The following ATP8B1 variants were observed in gnomAD, a reference collection of about 807,000 sequenced individuals.
ATP8B1 encodes ATPase phospholipid transporting 8B1.
Under a neutral mutation model 149.9 loss-of-function variants are expected in ATP8B1, and 80 were observed. That is an observed-to-expected ratio of 0.53 (90% CI 0.45 to 0.64). The LOEUF (loss-of-function observed/expected upper bound fraction) is 0.64. Among genes scored for constraint, ATP8B1 ranks in the 30% least tolerant of loss-of-function variants. The pLI, the probability that ATP8B1 is intolerant of heterozygous loss-of-function variation, is 0.00. For synonymous variants in ATP8B1, 536 were observed against 562.8 expected (o/e 0.95, Z 0.67); for missense variants, 1,247 against 1,552.6 (o/e 0.80, Z 3.31).
intron 1 of ATP8B1, among the ~76,000 whole-genome samples, chr18:57,783,697 A>G (rs1234198606): frequency 6.6e-6 from 1 of 152,148 alleles, no homozygotes; most frequent in African/African-American, 2.4e-5. Context: ...TTAGCCAGGC[A>G]TGGTGGCACG....
intron 1 of ATP8B1, among the ~76,000 whole-genome samples, chr18:57,745,918 C>T (rs1472863296): frequency 1.3e-5 from 2 of 152,158 alleles, no homozygotes; most frequent in East Asian, 3.8e-4. Context: ...ACCTCAACCT[C>T]CCAAGGTGTT....
In ATP8B1 at chr18:57,652,157, A is replaced by G; in HGVS notation, c.3277T>C (p.Ser1093Pro). 6.8e-6 allele frequency: 11 copies of G among 1,614,180 alleles called. No homozygotes were observed. The highest frequency in any genetic ancestry group is 9.3e-6 in the Non-Finnish European group (11 of 1,180,026). The stretch of plus-strand genomic sequence containing the variant: ...AAAGCATTCACAAAAGTCCAATAAG[A>G]AGTATCCAAGCCAATCTGTTGGGAA... ...TVNFQIGLDT[S>P]YWTFVNAFSI... The change falls in exon 26 of 28, where the codon TCT (serine) becomes CCT (proline). Residue 1093 changes from serine (S) to proline (P), a missense_variant. Around this residue, in one of 3 missense-constraint regions of ATP8B1, gnomAD observed 230 missense variants for 356.6 expected, o/e 0.65. Transcript: ENST00000648908.
chr18:57,709,705 A>G lies in ATP8B1; in HGVS notation c.182-3118T>C, dbSNP rs1344763795. 2.0e-5 allele frequency among the ~76,000 whole-genome samples: 3 copies of G among 149,792 alleles called. No homozygotes were observed. In the East Asian group the frequency reaches 5.8e-4, roughly 29 times the overall value. Reference sequence around the variant, plus strand: ...TTTTCATTTTTTTTTTGTTTGAGACAGTCTTGTTCTGTCATCCAGGGTGGA... The same window carrying G: ...TTTTCATTTTTTTTTTGTTTGAGACGGTCTTGTTCTGTCATCCAGGGTGGA... On this transcript the variant is annotated intron_variant, in intron 2 of 27. Coordinates refer to ENST00000648908, the MANE Select transcript of ATP8B1 (RefSeq NM_001374385.1).
intron 2 of ATP8B1, among the ~76,000 whole-genome samples, chr18:57,724,995 G>A (rs1185148865): frequency 3.5e-5 from 4 of 114,528 alleles, no homozygotes; most frequent in African/African-American, 7.0e-5. Flanking sequence ...GTAAACTATC[G>A]CAAGAACAAA....
At chr18:57,743,161 T>C (rs2079934270) in intron 1 of ATP8B1, among the ~76,000 whole-genome samples, 1 of 152,094 alleles carries the variant, frequency 6.6e-6, no homozygotes, top group Non-Finnish European at 1.5e-5. Context: ...ATGAAAAAAC[T>C]GAGGTGGTTT....
intron 1 of ATP8B1, among the ~76,000 whole-genome samples, chr18:57,744,786 C>T (rs1361120435): frequency 1.3e-5 from 2 of 152,134 alleles, no homozygotes; most frequent in Non-Finnish European, 2.9e-5. Context: ...AGAAGAGTCA[C>T]CAAGCTATTA....
At chr18:57,676,271 C>G (rs1479780644) in intron 15 of ATP8B1, among the ~76,000 whole-genome samples, 1 of 152,082 alleles carries the variant, frequency 6.6e-6, no homozygotes, top group Non-Finnish European at 1.5e-5. Flanking sequence ...AAGTGATCCT[C>G]CCACCTCAGC....
At chr18:57,773,200 T>TAAAAAAA (rs530739448) in intron 1 of ATP8B1, among the ~76,000 whole-genome samples, 3 of 125,562 alleles carry the variant, frequency 2.4e-5, no homozygotes, top group Non-Finnish European at 4.8e-5. Flanking sequence ...AGACTCTGTC[T>TAAAAAAA]TAAAAAAAAA....
chr18:57,795,437 G>A (rs1013521438), intron 1 of ATP8B1, among the ~76,000 whole-genome samples: 10 of 152,060 alleles, frequency 6.6e-5, no homozygotes, highest in African/African-American at 2.4e-4. Flanking sequence ...AATTACAGTA[G>A]CCAGAGGTGA....
Position 57,752,452 on chromosome 18 carries a change from C to T in ATP8B1, c.-25-20620G>A, listed in dbSNP as rs72627257. 4.8e-3 allele frequency among the ~76,000 whole-genome samples: 728 copies of T among 152,174 alleles called. 28 individuals carry two copies. In the East Asian group the frequency reaches 0.11, roughly 22 times the overall value. ...TTTATAACATGAAGATAATGGTTAC[C>T]TTACAGGGTCCTTGTGAAGCTTAAT... On this transcript the variant is annotated intron_variant, in intron 1 of 27. Coordinates refer to ENST00000648908, the MANE Select transcript of ATP8B1 (RefSeq NM_001374385.1).
rs2080595237 is a variant in ATP8B1 at position 57,802,853 on chromosome 18, C to T, written c.-26+145G>A. ...CACCCAAATCCCACCTGTGCGGGCTCGGGAGTCCGAGGGCGCTGACAGCTG... is the reference window on the plus strand; with the variant it reads ...CACCCAAATCCCACCTGTGCGGGCTTGGGAGTCCGAGGGCGCTGACAGCTG... On this transcript the variant is annotated intron_variant, in intron 1 of 27. Coordinates refer to ENST00000648908, the MANE Select transcript of ATP8B1 (RefSeq NM_001374385.1). This position sits in a 1 kb window ranked among gnomAD's most constrained non-coding sequence, Gnocchi z 4.9. 6.6e-6 allele frequency: 1 copy of T among 152,322 alleles called. No homozygotes were observed. Among genetic ancestry groups the T allele is most frequent in the African/African-American group, 2.4e-5 (1 of 41,476 alleles). The allele number at this position is 152,322 out of a possible 1,614,324, so 9.4% of individuals were successfully genotyped here. A position where few individuals can be genotyped will look rare whatever the true frequency, so the allele number is the denominator to read the frequency against.
rs956918572 is a variant in ATP8B1 at position 57,764,699 on chromosome 18, G to A, written c.-25-32867C>T. 5.4e-5 allele frequency among the ~76,000 whole-genome samples: 8 copies of A among 148,436 alleles called. No individual in the cohort carries two copies. The East Asian group carries it at 1.6e-3, about 29-fold the overall frequency. Reference sequence around the variant, plus strand: ...CTCCCAAAATGCTAGGATTACAGGTGTGAGACACTGTGCCCAGCCTGACAC... The same window carrying A: ...CTCCCAAAATGCTAGGATTACAGGTATGAGACACTGTGCCCAGCCTGACAC... On this transcript the variant is annotated intron_variant, in intron 1 of 27. Transcript: ENST00000648908.
chr18:57,676,760 A>AAACCAACC (rs1185429624), intron 15 of ATP8B1, among the ~76,000 whole-genome samples: 1 of 151,954 alleles, frequency 6.6e-6, no homozygotes, highest in Non-Finnish European at 1.5e-5. Flanking sequence ...AAGTTGAAAC[A>AAACCAACC]AACCAACCAA....
intron 22 of ATP8B1, among the ~76,000 whole-genome samples, chr18:57,656,522 A>C (rs1476127760): frequency 6.6e-6 from 1 of 151,132 alleles, no homozygotes; most frequent in Non-Finnish European, 1.5e-5. Flanking sequence ...AGTAGCTGGG[A>C]TTACAGATGT....
At chr18:57,758,377 A>G (rs1340416733) in intron 1 of ATP8B1, among the ~76,000 whole-genome samples, 1 of 151,978 alleles carries the variant, frequency 6.6e-6, no homozygotes, top group Admixed American at 6.6e-5. Flanking sequence ...GCGGTGCCTC[A>G]CGCCTGTAAT....
chr18:57,699,251 A>G (rs1157812718), intron 6 of ATP8B1, among the ~76,000 whole-genome samples: 1 of 152,264 alleles, frequency 6.6e-6, no homozygotes, highest in Non-Finnish European at 1.5e-5. Flanking sequence ...AAATATGTTT[A>G]GATGGCTTTT....
At chr18:57,734,988 T>C (rs1322001887) in intron 1 of ATP8B1, among the ~76,000 whole-genome samples, 1 of 152,186 alleles carries the variant, frequency 6.6e-6, no homozygotes, top group Non-Finnish European at 1.5e-5. Flanking sequence ...GGTAAAGAAA[T>C]AGCCAATCAT....
intron 1 of ATP8B1, among the ~76,000 whole-genome samples, chr18:57,769,595 C>G (rs1165212839): frequency 6.6e-6 from 1 of 152,178 alleles, no homozygotes; most frequent in Non-Finnish European, 1.5e-5. Context: ...AACACACACA[C>G]TTCACTCTAA....
chr18:57,732,171 G>GTA (rs1463995277), intron 1 of ATP8B1: 5 of 102,434 alleles, frequency 4.9e-5, no homozygotes, highest in African/African-American at 1.2e-4. Flanking sequence ...ATGTATATAT[G>GTA]TATATATGTG....
Sources: allele counts gnomAD v4.1 joint callset (sites outside exome capture counted in the v4.1 genomes callset), GRCh38; gene constraint gnomAD v4.1.1; regional missense constraint gnomAD v4.1.1; non-coding constraint Gnocchi (gnomAD v3.1); transcripts MANE v1.5; gene names NCBI Gene and HGNC (gene_info 2026-07-23, HGNC 2026-07-21).